The following EVC variants were observed in gnomAD, a reference collection of about 807,000 sequenced individuals.
EVC encodes the protein evC complex member EVC.
A neutral mutation model predicts 118.9 loss-of-function variants in EVC; 116 were observed. The observed-to-expected ratio is 0.98, with a 90% CI of 0.84 to 1.14. The LOEUF (loss-of-function observed/expected upper bound fraction) is 1.14, where lower values mean the gene tolerates loss of function less well. Ranked by LOEUF, EVC falls within the 50% of genes most tolerant of loss-of-function variation. The pLI, the probability that EVC is intolerant of heterozygous loss-of-function variation, is 0.00. For synonymous variants in EVC, 619 were observed against 534.7 expected (o/e 1.16, Z -2.18); for missense variants, 1,401 against 1,246.4 (o/e 1.12, Z -1.87).
chr4:5,804,890 A>T, intron 17 of EVC, 49 bp downstream of exon 17: 1 of 1,478,306 alleles, frequency 6.8e-7, no homozygotes, highest in Non-Finnish European at 9.4e-7. Flanking sequence ...TACCCCATTC[A>T]CATGGCATAT....
chr4:5,802,439 C>G (rs538456532), intron 16 of EVC, among the ~76,000 whole-genome samples: 2 of 152,140 alleles, frequency 1.3e-5, no homozygotes, highest in Non-Finnish European at 2.9e-5. Context: ...TATTTTTCCA[C>G]AGACCAGGGT....
chr4:5,745,474 G>A, intron 7 of EVC, 133 bp downstream of exon 7: 1 of 907,676 alleles, frequency 1.1e-6, no homozygotes, highest in Non-Finnish European at 1.7e-6. Context: ...CCTAGAGGCA[G>A]GATCCAGTTT....
At chr4:5,728,123 G>A (rs1383473045) in intron 2 of EVC, among the ~76,000 whole-genome samples, 1 of 152,194 alleles carries the variant, frequency 6.6e-6, no homozygotes, top group Non-Finnish European at 1.5e-5. Context: ...GTCATTGGCT[G>A]CTTGTTGGGG....
intron 11 of EVC, among the ~76,000 whole-genome samples, chr4:5,770,067 G>A (rs7655234): frequency 0.38 from 57,718 of 151,680 alleles, 11,303 homozygotes; most frequent in Middle Eastern, 0.51. Context: ...GGGCTCGAGG[G>A]GGGCTCTCTG....
intron 11 of EVC, among the ~76,000 whole-genome samples, chr4:5,772,634 A>G (rs1200057028): frequency 6.6e-6 from 1 of 152,016 alleles, no homozygotes; most frequent in Non-Finnish European, 1.5e-5. Context: ...CTGACCCACA[A>G]GGTCTTCCTG....
rs1019139111 is a variant in EVC at position 5,731,502 on chromosome 4, G to A, written c.462G>A (p.Glu154=). The A allele has an allele frequency of 9.9e-6, 16 of 1,614,106 alleles. No homozygotes were observed. Among genetic ancestry groups the A allele is most frequent in the African/African-American group, 6.7e-5 (5 of 75,000 alleles). Residue 154 remains glutamate, a synonymous_variant, in exon 4 of 21, where the codon GAG becomes GAA. Transcript: ENST00000264956. This position sits in a 1 kb window ranked among gnomAD's most constrained non-coding sequence, Gnocchi z 5.6. ...CTGTTTTGCCACACCAGCCGGTAGA[G>A]GCCTCTCCTTCCAGCAGTCTGGGGA... is the stretch of plus-strand genomic sequence containing the variant. ...KQAVLPHQPV[E]ASPSSSLGSL... is the part of the protein sequence containing the mutation.
the EVC span, among the ~76,000 whole-genome samples, chr4:5,823,455 C>A: frequency 6.6e-6 from 1 of 152,190 alleles, no homozygotes; most frequent in Non-Finnish European, 1.5e-5. Context: ...AAAAAGGACA[C>A]TAATATGGTT....
rs878989215 is a variant in EVC at position 5,748,317 on chromosome 4, A to T, written c.1098+11A>T. ...GAGCTGCAGGCTCTGGTAATGCTGG[A>T]GGGGGCGGGAGGGAACATAAAGATA... On this transcript the variant is annotated intron_variant, in intron 8 of 20. Coordinates refer to ENST00000264956, the MANE Select transcript of EVC (RefSeq NM_153717.3). The T allele has an allele frequency of 6.2e-7, 1 of 1,613,612 alleles. No individual in the cohort carries two copies. The highest frequency in any genetic ancestry group is 8.5e-7 in the Non-Finnish European group (1 of 1,179,756).
intron 11 of EVC, among the ~76,000 whole-genome samples, chr4:5,757,364 C>T (rs1731325446): frequency 6.6e-6 from 1 of 152,210 alleles, no homozygotes; most frequent in Non-Finnish European, 1.5e-5. Flanking sequence ...GCATCCCCAT[C>T]AGGGAGAAGC....
chr4:5,808,089 C>T (rs1716213698), intron 17 of EVC, 112 bp from the exon 18 acceptor site: 2 of 897,452 alleles, frequency 2.2e-6, no homozygotes, highest in Admixed American at 4.2e-5. Flanking sequence ...GGCCAGGCCC[C>T]TCTTGGGGCT....
In EVC at chr4:5,782,389, ATTTTTTTTT is replaced by A. The variant is rs71171482; in HGVS notation, c.1564-1147_1564-1139del. ...CATGCGCAGCTATCTGTAAGGTTCC[ATTTTTTTTT>A]TTTTTTTTTTTTTTTGAGACGGAGT... is the stretch of plus-strand genomic sequence containing the variant. On this transcript the variant is annotated intron_variant, in intron 11 of 20. Coordinates refer to ENST00000264956, the MANE Select transcript of EVC (RefSeq NM_153717.3). Among the ~76,000 whole-genome samples the A allele has an allele frequency of 3.8e-5, 3 of 78,568 alleles. No homozygotes were observed. The South Asian group carries it at 1.3e-3, about 34-fold the overall frequency. The allele number at this position is 78,568 out of a possible 152,430, so 51.5% of individuals were successfully genotyped here.
At chr4:5,783,485 G>A (rs937918309) in intron 11 of EVC, 67 bp from the exon 12 acceptor site, 7 of 1,486,960 alleles carry the variant, frequency 4.7e-6, no homozygotes, top group Non-Finnish European at 6.6e-6. Context: ...GAGAGGCAGA[G>A]AGCAGCTCAG....
At chr4:5,819,656 G>A in the EVC span, among the ~76,000 whole-genome samples, 4 of 152,198 alleles carry the variant, frequency 2.6e-5, no homozygotes, top group Non-Finnish European at 5.9e-5. Context: ...CAGGACTGAG[G>A]AGGCCAGGCC....
chr4:5,810,324 A>C lies in EVC; in HGVS notation c.2783-15A>C. The C allele has an allele frequency of 6.2e-7, 1 of 1,601,248 alleles. No homozygotes were observed. Among genetic ancestry groups the C allele is most frequent in the Non-Finnish European group, 8.5e-7 (1 of 1,170,016 alleles). The stretch of plus-strand genomic sequence containing the variant: ...AAGTCACAGAGCCATGCCTGGGTTC[A>C]TCTGTCCTCTACAGAGAAGCCCCTA... On this transcript the variant is annotated splice_polypyrimidine_tract_variant and intron_variant, in intron 19 of 20. Transcript: ENST00000264956.
intron 1 of EVC, among the ~76,000 whole-genome samples, chr4:5,712,222 C>T (rs1723156997): frequency 6.6e-6 from 1 of 152,242 alleles, no homozygotes; most frequent in South Asian, 2.1e-4. Flanking sequence ...GTGTACCAGG[C>T]ACTGAACTAG....
At chr4:5,786,872 A>G (rs1376139821) in intron 12 of EVC, among the ~76,000 whole-genome samples, 1 of 57,574 alleles carries the variant, frequency 1.7e-5, no homozygotes, top group Non-Finnish European at 4.3e-5. Flanking sequence ...ACTCCGTCTC[A>G]AAAAAAAAAA....
At chr4:5,740,679 C>G (rs1173937261) in intron 5 of EVC, among the ~76,000 whole-genome samples, 1 of 151,952 alleles carries the variant, frequency 6.6e-6, no homozygotes, top group Non-Finnish European at 1.5e-5. Context: ...AAAATGTTTG[C>G]AAAACAGATG....
chr4:5,801,743 G>GGATT (rs1278713966), intron 15 of EVC: 4 of 583,742 alleles, frequency 6.9e-6, no homozygotes, highest in Non-Finnish European at 1.2e-5. Flanking sequence ...CATTTCATTG[G>GGATT]CTCTAGACAT....
the EVC span, among the ~76,000 whole-genome samples, chr4:5,822,557 CTT>C: frequency 6.6e-6 from 1 of 151,948 alleles, no homozygotes; most frequent in Non-Finnish European, 1.5e-5. Flanking sequence ...ATCCATTCTA[CTT>C]TTACCTATTC....
Sources: allele counts gnomAD v4.1 joint callset (sites outside exome capture counted in the v4.1 genomes callset), GRCh38; gene constraint gnomAD v4.1.1; non-coding constraint Gnocchi (gnomAD v3.1); transcripts MANE v1.5; gene names NCBI Gene and HGNC (gene_info 2026-07-23, HGNC 2026-07-21).